Variants in WWOX observed in about 807,000 individuals in gnomAD.
The protein encoded by WWOX is WW domain containing oxidoreductase.
Under a neutral mutation model 46.2 loss-of-function variants are expected in WWOX, and 69 were observed. The observed-to-expected ratio is 1.49, with a 90% CI of 1.23 to 1.82. The LOEUF (loss-of-function observed/expected upper bound fraction) is 1.82, where lower values mean the gene tolerates loss of function less well. Among genes scored for constraint, WWOX ranks in the 40% most tolerant of loss-of-function variants. The pLI is 0.00. For missense variants in WWOX, 919 were observed against 542.6 expected (o/e 1.69, Z -6.89); for synonymous variants, 359 against 202.6 (o/e 1.77, Z -6.56).
chr16:78,384,164 C>T (rs1053793275), intron 5 of WWOX, among the ~76,000 whole-genome samples: 19 of 152,102 alleles, frequency 1.2e-4, no homozygotes, highest in African/African-American at 4.6e-4. Context: ...TTGGGGTTTC[C>T]ACTGGGGGCT....
intron 5 of WWOX, among the ~76,000 whole-genome samples, chr16:78,385,162 A>ACACACACACACACACACAC (rs1567540757): frequency 3.3e-5 from 1 of 30,750 alleles, no homozygotes; most frequent in African/African-American, 2.0e-4. Flanking sequence ...CACACACACA[A>ACACACACACACACACACAC]AAGCACAGGG....
chr16:78,261,810 A>G (rs1468776080), intron 5 of WWOX, among the ~76,000 whole-genome samples: 1 of 145,756 alleles, frequency 6.9e-6, no homozygotes, highest in Non-Finnish European at 1.5e-5. Context: ...ATATATATAT[A>G]TATATATACT....
rs1243406442 is a variant in WWOX at position 78,161,242 on chromosome 16, T to C, written c.410-2941T>C. On this transcript the variant is annotated intron_variant, in intron 4 of 8. Coordinates refer to ENST00000566780, the MANE Select transcript of WWOX (RefSeq NM_016373.4). ...TTATGTTTTCTTCAGTCTGACAAAC[T>C]TTTTCTTTTAATTGCCATCTTTAGG... Among the ~76,000 whole-genome samples the C allele has an allele frequency of 2.6e-5, 4 of 152,200 alleles. No homozygotes were observed. The East Asian group carries it at 7.7e-4, about 29-fold the overall frequency.
intron 5 of WWOX, among the ~76,000 whole-genome samples, chr16:78,219,786 C>T (rs181494364): frequency 6.6e-6 from 1 of 152,130 alleles, no homozygotes; most frequent in Non-Finnish European, 1.5e-5. Flanking sequence ...CAAATCTCTT[C>T]TCTTTTCCTT....
At chr16:78,767,417 A>G (rs966942287) in intron 8 of WWOX, among the ~76,000 whole-genome samples, 1 of 151,704 alleles carries the variant, frequency 6.6e-6, no homozygotes, top group Non-Finnish European at 1.5e-5. Context: ...TGACTGCGCC[A>G]CCACACCTGC....
intron 8 of WWOX, among the ~76,000 whole-genome samples, chr16:78,706,797 C>G (rs2048336823): frequency 6.6e-6 from 1 of 152,084 alleles, no homozygotes; most frequent in African/African-American, 2.4e-5. Flanking sequence ...ACTCAGGATA[C>G]AAACTACCTT....
chr16:78,324,976 T>C (rs2080579690), intron 5 of WWOX, among the ~76,000 whole-genome samples: 1 of 152,220 alleles, frequency 6.6e-6, no homozygotes, highest in Non-Finnish European at 1.5e-5. Context: ...AATTAATCTT[T>C]GCTCCCAGAG....
chr16:79,006,005 C>G (rs975633659), intron 8 of WWOX, among the ~76,000 whole-genome samples: 1 of 152,162 alleles, frequency 6.6e-6, no homozygotes, highest in African/African-American at 2.4e-5. Flanking sequence ...CTCTCTGCAA[C>G]CATTTGCGGT....
chr16:78,769,733 T>C (rs2142514812), intron 8 of WWOX, among the ~76,000 whole-genome samples: 1 of 151,568 alleles, frequency 6.6e-6, no homozygotes, highest in South Asian at 2.1e-4. Context: ...CCGAGCACAG[T>C]GACTCATGCC....
chr16:78,884,884 T>C (rs901288081), intron 8 of WWOX, among the ~76,000 whole-genome samples: 1 of 152,230 alleles, frequency 6.6e-6, no homozygotes, highest in Non-Finnish European at 1.5e-5. Context: ...GAAATAATAA[T>C]AATATAAAGC....
intron 8 of WWOX, among the ~76,000 whole-genome samples, chr16:78,591,043 T>C (rs1157437238): frequency 6.6e-6 from 1 of 152,190 alleles, no homozygotes; most frequent in Non-Finnish European, 1.5e-5. Flanking sequence ...ATGTGTTATC[T>C]GCCCTAGTCT....
At chr16:78,783,904 G>A (rs28452097) in intron 8 of WWOX, among the ~76,000 whole-genome samples, 98,434 of 151,334 alleles carry the variant, frequency 0.65, 32,250 homozygotes, top group Admixed American at 0.7. Context: ...TGGTGATGAC[G>A]ATGGTGATGA....
intron 8 of WWOX, among the ~76,000 whole-genome samples, chr16:78,674,943 G>C (rs1305120340): frequency 6.6e-6 from 1 of 151,630 alleles, no homozygotes; most frequent in East Asian, 1.9e-4. Context: ...TGTTCAAGTT[G>C]TCTACCCTTA....
intron 8 of WWOX, among the ~76,000 whole-genome samples, chr16:78,618,146 C>T (rs1401168290): frequency 6.6e-6 from 1 of 152,218 alleles, no homozygotes; most frequent in Non-Finnish European, 1.5e-5. Context: ...AAATCACTCA[C>T]TGAAGGCCAC....
chr16:78,781,600 T>C (rs1246901048), intron 8 of WWOX, among the ~76,000 whole-genome samples: 1 of 152,194 alleles, frequency 6.6e-6, no homozygotes, highest in African/African-American at 2.4e-5. Context: ...CCCCACTTTA[T>C]CCAAAAGTTA....
intron 8 of WWOX, among the ~76,000 whole-genome samples, chr16:78,484,993 T>A (rs1233681457): frequency 6.6e-6 from 1 of 152,116 alleles, no homozygotes; most frequent in Non-Finnish European, 1.5e-5. Context: ...TCTGATGAGC[T>A]GACTAACACC....
intron 8 of WWOX, among the ~76,000 whole-genome samples, chr16:78,673,116 C>T (rs1481754331): frequency 6.6e-6 from 1 of 152,186 alleles, no homozygotes; most frequent in Non-Finnish European, 1.5e-5. Context: ...TGAAGGTCAA[C>T]GTGCAGACAT....
intron 8 of WWOX, among the ~76,000 whole-genome samples, chr16:78,630,794 C>T (rs1039788603): frequency 2.0e-5 from 3 of 152,136 alleles, no homozygotes; most frequent in African/African-American, 7.2e-5. Flanking sequence ...CAGTTGTATT[C>T]CTAAGACATA....
intron 8 of WWOX, among the ~76,000 whole-genome samples, chr16:78,755,579 C>T (rs111360417): frequency 1.6e-3 from 244 of 152,224 alleles, no homozygotes; most frequent in African/African-American, 5.7e-3. Context: ...TAGCCCTGCC[C>T]GAAGCCTCTC....
Sources: allele counts gnomAD v4.1 joint callset (sites outside exome capture counted in the v4.1 genomes callset), GRCh38; gene constraint gnomAD v4.1.1; transcripts MANE v1.5; gene names NCBI Gene and HGNC (gene_info 2026-07-23, HGNC 2026-07-21).